IMPG2: variants seen among roughly 807,000 people sequenced by gnomAD.
IMPG2 encodes the protein IPM 200.
A neutral mutation model predicts 129.2 loss-of-function variants in IMPG2; 91 were observed. That is an observed-to-expected ratio of 0.70 (90% CI 0.59 to 0.84). IMPG2 has a LOEUF of 0.84. Among genes scored for constraint, IMPG2 ranks in the 40% least tolerant of loss-of-function variants. IMPG2 has a pLI of 0.00. For missense variants in IMPG2, 1,430 were observed against 1,461.7 expected (o/e 0.98, Z 0.35); for synonymous variants, 510 against 517.7 (o/e 0.99, Z 0.20).
intron 9 of IMPG2, among the ~76,000 whole-genome samples, chr3:101,258,471 C>A (rs549980976): frequency 6.6e-6 from 1 of 152,026 alleles, no homozygotes; most frequent in South Asian, 2.1e-4. Flanking sequence ...TTTTTACCAC[C>A]CTCCAGGGCA....
At chr3:101,241,552 G>C (rs1464002312) in intron 14 of IMPG2, among the ~76,000 whole-genome samples, 1 of 152,184 alleles carries the variant, frequency 6.6e-6, no homozygotes, top group Non-Finnish European at 1.5e-5. Flanking sequence ...GGATGGATAG[G>C]AGGAGGAGCA....
intron 14 of IMPG2, among the ~76,000 whole-genome samples, chr3:101,234,390 G>C (rs1331672190): frequency 1.3e-5 from 2 of 151,936 alleles, no homozygotes; most frequent in African/African-American, 4.8e-5. Flanking sequence ...CTTTCAGAGG[G>C]AACAGGGCCT....
At chr3:101,265,691 T>C (rs895965776) in intron 9 of IMPG2, among the ~76,000 whole-genome samples, 5 of 151,894 alleles carry the variant, frequency 3.3e-5, no homozygotes, top group Admixed American at 6.6e-5. Context: ...AAAGCAAAAA[T>C]AAACAAATGG....
chr3:101,310,179 A>T (rs1439264417), intron 2 of IMPG2, among the ~76,000 whole-genome samples: 6 of 152,332 alleles, frequency 3.9e-5, no homozygotes, highest in Non-Finnish European at 1.5e-5. Context: ...GAAAGTAAAC[A>T]AATATTGAGC....
chr3:101,243,802 G>A lies in IMPG2; in HGVS notation c.2529C>T (p.Asp843=). The part of the protein sequence containing the change: ...MGVQDISLEL[D]RIGTDYYQPE... ...GCTGATAGTAATCTGTGCCTATCCGGTCCAGTTCTAACGAAATATCCTGTA... is the reference window on the plus strand; with the variant it reads ...GCTGATAGTAATCTGTGCCTATCCGATCCAGTTCTAACGAAATATCCTGTA... The change falls in exon 13 of 19, where the codon GAC becomes GAT. Residue 843 remains aspartate, a synonymous_variant. Transcript: ENST00000193391. The A allele has an allele frequency of 3.1e-6, 5 of 1,614,062 alleles. No individual in the cohort carries two copies. Among genetic ancestry groups the A allele is most frequent in the Non-Finnish European group, 4.2e-6 (5 of 1,179,988 alleles).
intron 2 of IMPG2, among the ~76,000 whole-genome samples, chr3:101,319,317 C>T (rs2058799608): frequency 6.6e-6 from 1 of 152,004 alleles, no homozygotes; most frequent in African/African-American, 2.4e-5. Context: ...ATCATGAAAG[C>T]GTTCTTCCTT....
chr3:101,244,549 C>T lies in IMPG2; in HGVS notation c.1782G>A (p.Glu594=), dbSNP rs573827267. 1.3e-6 allele frequency: 2 copies of T among 1,595,406 alleles called. No homozygotes were observed. Among genetic ancestry groups the T allele is most frequent in the Non-Finnish European group, 1.7e-6 (2 of 1,171,258 alleles). The part of the protein sequence containing the change: ...PFLPDASMEK[E]LIFDGGLGSG... Reference sequence around the variant, plus strand: ...AACCTAAACCACCGTCAAATATTAACTCTTTTTCCATGGATGCATCTGGCA... The same window carrying T: ...AACCTAAACCACCGTCAAATATTAATTCTTTTTCCATGGATGCATCTGGCA... Residue 594 remains glutamate (E), a synonymous_variant, in exon 13 of 19, where the codon GAG becomes GAA. Coordinates refer to ENST00000193391, the MANE Select transcript of IMPG2 (RefSeq NM_016247.4).
chr3:101,267,001 A>G (rs1706727612), intron 9 of IMPG2, among the ~76,000 whole-genome samples: 1 of 152,204 alleles, frequency 6.6e-6, no homozygotes, highest in African/African-American at 2.4e-5. Context: ...ATTCAGCCAT[A>G]AAAAGAAGGA....
chr3:101,278,484 G>A lies in IMPG2; in HGVS notation c.534-1771C>T, dbSNP rs545614774. Among the ~76,000 whole-genome samples the A allele has an allele frequency of 7.9e-5, 12 of 152,184 alleles. No individual in the cohort carries two copies. The South Asian group carries it at 1.7e-3, about 21-fold the overall frequency. On this transcript the variant is annotated intron_variant, in intron 4 of 18. Transcript: ENST00000193391. Reference sequence around the variant, plus strand: ...TCAGTTTTACTACAAGCTTAAACAGGTTAGGAGCTAAATAAGAACTGATGT... The same window carrying A: ...TCAGTTTTACTACAAGCTTAAACAGATTAGGAGCTAAATAAGAACTGATGT...
chr3:101,257,775 T>C lies in IMPG2; in HGVS notation c.909-2A>G. ...ACTGCATAGTAAACATCTACGCCAC[T>C]ATGGATGGAAAGAGAGAACAGGTTA... On this transcript the variant is annotated splice_acceptor_variant, in intron 9 of 18. Transcript: ENST00000193391. LOFTEE classifies it high-confidence loss of function. 1 of 1,612,858 alleles carries C rather than the reference T, an allele frequency of 6.2e-7. No homozygotes were observed. The highest frequency in any genetic ancestry group is 8.5e-7 in the Non-Finnish European group (1 of 1,179,192).
rs577185800 is a variant in IMPG2 at position 101,244,621 on chromosome 3, G to A, written c.1710C>T (p.Asp570=). ...GGTCTTTGACTTTGGAGGTCAAGGA[G>A]TCCAAGCCAAAAGGTATAGAAGAGG... ...YLTSSIPFGL[D]SLTSKVKDQL... Residue 570 remains aspartate (D), a synonymous_variant, in exon 13 of 19, where the codon GAC becomes GAT. Coordinates refer to ENST00000193391, the MANE Select transcript of IMPG2 (RefSeq NM_016247.4). 3 of 1,604,006 alleles carry A rather than the reference G, an allele frequency of 1.9e-6. No individual in the cohort carries two copies. The highest frequency in any genetic ancestry group is 4.5e-5 in the East Asian group (2 of 44,758).
At chr3:101,242,958 C>T in intron 13 of IMPG2, 51 bp from the exon 14 acceptor site, 1 of 1,436,876 alleles carries the variant, frequency 7.0e-7, no homozygotes, top group Non-Finnish European at 9.8e-7. Context: ...ACATTTTGTT[C>T]AATACATACC....
rs376728111 is a variant in IMPG2 at position 101,242,640 on chromosome 3, T to C, written c.3022+48A>G. 76 of 1,341,102 alleles carry C rather than the reference T, an allele frequency of 5.7e-5. No homozygotes were observed. The African/African-American group carries it at 9.9e-4, about 17-fold the overall frequency. 83.1% of individuals were successfully genotyped at this position (1,341,102 alleles called of 1,614,324 possible). ...CAATGAGGAAGAAAACACACAAGAA[T>C]AATCACTGGATTCTACTAAGAAACC... On this transcript the variant is annotated intron_variant, in intron 14 of 18. Coordinates refer to ENST00000193391, the MANE Select transcript of IMPG2 (RefSeq NM_016247.4).
chr3:101,244,418 G>A lies in IMPG2; in HGVS notation c.1913C>T (p.Ser638Leu), dbSNP rs757385733. 6.2e-7 allele frequency: 1 copy of A among 1,614,150 alleles called. No individual in the cohort carries two copies. The highest frequency in any genetic ancestry group is 2.2e-5 in the East Asian group (1 of 44,880). The change falls in exon 13 of 19, where the codon TCA becomes TTA. Residue 638 changes from serine (S) to leucine (L), a missense_variant. Transcript: ENST00000193391. Reference protein sequence around the residue: ...LSKPWLEDDDSLLPAEIEDKK... With the variant: ...LSKPWLEDDDLLLPAEIEDKK... The stretch of plus-strand genomic sequence containing the variant: ...GTCTTCAATCTCAGCTGGCAAAAGT[G>A]AATCATCATCTTCAAGCCACGGCTT...
intron 7 of IMPG2, among the ~76,000 whole-genome samples, chr3:101,271,976 A>T (rs1706787544): frequency 6.6e-6 from 1 of 152,180 alleles, no homozygotes; most frequent in African/African-American, 2.4e-5. Context: ...GATCACACCG[A>T]CACTGGAACT....
intron 2 of IMPG2, among the ~76,000 whole-genome samples, chr3:101,311,896 A>G (rs936191241): frequency 3.3e-5 from 5 of 152,154 alleles, no homozygotes; most frequent in African/African-American, 9.6e-5. Flanking sequence ...ATCATGTGTC[A>G]TGGTCAAGTG....
chr3:101,259,662 G>A (rs1388796775), intron 9 of IMPG2, among the ~76,000 whole-genome samples: 2 of 151,666 alleles, frequency 1.3e-5, no homozygotes, highest in East Asian at 1.9e-4. Context: ...AACATAATAA[G>A]GATGATATCA....
intron 17 of IMPG2, 80 bp downstream of exon 17, chr3:101,229,300 A>ACCCCCCCCCCCCCCCCCCCCCCCCAC: frequency 1.2e-6 from 1 of 859,118 alleles, no homozygotes; most frequent in Non-Finnish European, 1.9e-6. Context: ...ACTCATACAC[A>ACCCCCCCCCCCCCCCCCCCCCCCCAC]CCCCCACCCA....
At position 101,253,662 on chromosome 3, in the gene IMPG2, G is replaced by C. The variant is rs72930586; in HGVS notation, c.1239+34C>G. 6,300 of 1,436,652 alleles carry C rather than the reference G, an allele frequency of 4.4e-3. 201 individuals carry two copies. In the African/African-American group the frequency reaches 0.076, roughly 17 times the overall value. The allele number at this position is 1,436,652 out of a possible 1,614,324, so 89.0% of individuals were successfully genotyped here. On this transcript the variant is annotated intron_variant, in intron 11 of 18. Coordinates refer to ENST00000193391, the MANE Select transcript of IMPG2 (RefSeq NM_016247.4). Reference sequence around the variant, plus strand: ...GCAGGAAGAAAGAAGAGAAGCTTGAGGGCCTGGTTCTAGCATAAAACATAA... The same window carrying C: ...GCAGGAAGAAAGAAGAGAAGCTTGACGGCCTGGTTCTAGCATAAAACATAA...
Sources: gnomAD v4.1 joint callset for allele counts (sites outside exome capture counted in the v4.1 genomes callset) on GRCh38, gnomAD v4.1.1 for gene constraint, MANE v1.5 for transcripts, NCBI Gene and HGNC (gene_info 2026-07-23, HGNC 2026-07-21) for gene names.